The following PTPRN2 variants were observed in gnomAD, a reference collection of about 807,000 sequenced individuals.
PTPRN2 encodes the protein receptor-type tyrosine-protein phosphatase N2.
Under a neutral mutation model 118.8 loss-of-function variants are expected in PTPRN2, and 74 were observed. The ratio of observed to expected loss-of-function variants is 0.62; its 90% CI spans 0.52 to 0.76. PTPRN2 has a LOEUF of 0.76. Ranked by LOEUF, PTPRN2 falls within the 30% of genes least tolerant of loss-of-function variation. The pLI, the probability that PTPRN2 is intolerant of heterozygous loss-of-function variation, is 0.00. For synonymous variants in PTPRN2, 641 were observed against 608.0 expected, an observed-to-expected ratio of 1.05 and a Z score of -0.80; for missense variants, 1,481 against 1,394.4, an observed-to-expected ratio of 1.06 and a Z score of -0.99.
chr7:158,125,407 G>T (rs1187840426), intron 9 of PTPRN2, among the ~76,000 whole-genome samples: 2 of 151,438 alleles, frequency 1.3e-5, no homozygotes, highest in South Asian at 2.1e-4. Context: ...TCCCACGGCC[G>T]CTCCCAGCAG....
intron 9 of PTPRN2, among the ~76,000 whole-genome samples, chr7:158,130,650 A>G (rs1483811079): frequency 1.3e-5 from 2 of 149,746 alleles, no homozygotes; most frequent in Non-Finnish European, 3.0e-5. Flanking sequence ...ACCAATACAC[A>G]TCTACCTGAC....
chr7:157,778,620 G>A (rs1429648690), intron 12 of PTPRN2, among the ~76,000 whole-genome samples: 5 of 151,720 alleles, frequency 3.3e-5, no homozygotes, highest in South Asian at 4.2e-4. Context: ...TACAGGTATC[G>A]AATGCCTATG....
chr7:158,149,530 G>T (rs546586459), intron 6 of PTPRN2, among the ~76,000 whole-genome samples: 1 of 152,132 alleles, frequency 6.6e-6, no homozygotes, highest in Admixed American at 6.5e-5. Context: ...CCGGCTGGGC[G>T]CAGTGGCTCA....
chr7:157,874,891 A>G lies in PTPRN2; in HGVS notation c.1788+23782T>C. Among the ~76,000 whole-genome samples the G allele has an allele frequency of 6.6e-6, 1 of 152,092 alleles. No homozygotes were observed. Among genetic ancestry groups the G allele is most frequent in the East Asian group, 1.9e-4 (1 of 5,162 alleles). On this transcript the variant is annotated intron_variant, in intron 12 of 22. Transcript: ENST00000389418. The surrounding 1 kb of genome is among the most constrained non-coding windows in gnomAD (Gnocchi z 5.8). ...CGTGCACATACACACACGGAGACAC[A>G]CTCGTGCACATACACACACACTCAT...
intron 11 of PTPRN2, among the ~76,000 whole-genome samples, chr7:158,071,224 CCCG>C (rs1456974718): frequency 2.0e-5 from 1 of 49,104 alleles, no homozygotes; most frequent in Non-Finnish European, 3.9e-5. Flanking sequence ...GGTGGAGGTG[CCCG>C]TGGTGGTGGA....
intron 12 of PTPRN2, among the ~76,000 whole-genome samples, chr7:157,711,527 GA>G (rs1798619482): frequency 6.6e-6 from 1 of 152,212 alleles, no homozygotes; most frequent in Admixed American, 6.5e-5. Flanking sequence ...CACCACGTGG[GA>G]GGCTGTCCTG....
chr7:157,671,784 G>A lies in PTPRN2; in HGVS notation c.2001+10941C>T, dbSNP rs1208809712. 6.6e-6 allele frequency among the ~76,000 whole-genome samples: 1 copy of A among 152,066 alleles called. No individual in the cohort carries two copies. Among genetic ancestry groups the A allele is most frequent in the Admixed American group, 6.6e-5 (1 of 15,264 alleles). On this transcript the variant is annotated intron_variant, in intron 13 of 22. Transcript: ENST00000389418. The surrounding 1 kb of genome is among the most constrained non-coding windows in gnomAD (Gnocchi z 4.1). ...CTGAGTGACACCTGAACTGCACAAG[G>A]CCTGAAGGACGCCCTGAAGAGCTTC...
At position 158,555,655 on chromosome 7, in the gene PTPRN2, G is replaced by A. The variant is rs533638659; in HGVS notation, c.112+31903C>T. Among the ~76,000 whole-genome samples, 6 of 152,202 alleles carry A rather than the reference G, an allele frequency of 3.9e-5. No individual in the cohort carries two copies. In the South Asian group the frequency reaches 1.0e-3, roughly 26 times the overall value. ...TGGCAGGGTTAGGGGCACAAGCACCGCCCGTCAACCCTTCACAGAAGCTGG... is the reference window on the plus strand; with the variant it reads ...TGGCAGGGTTAGGGGCACAAGCACCACCCGTCAACCCTTCACAGAAGCTGG... On this transcript the variant is annotated intron_variant, in intron 1 of 22. Transcript: ENST00000389418. The surrounding 1 kb of genome is among the most constrained non-coding windows in gnomAD (Gnocchi z 4.7).
chr7:158,190,232 G>A (rs568389636), intron 5 of PTPRN2, among the ~76,000 whole-genome samples: 6 of 152,158 alleles, frequency 3.9e-5, no homozygotes, highest in Non-Finnish European at 5.9e-5. Context: ...GAAGCTGAGC[G>A]GCTCCCCCTG....
chr7:157,617,462 G>A lies in PTPRN2; in HGVS notation c.2344+3900C>T, dbSNP rs1309555251. 3.4e-5 allele frequency: 5 copies of A among 149,112 alleles called. No homozygotes were observed. The highest frequency in any genetic ancestry group is 7.4e-5 in the Non-Finnish European group (5 of 67,502). The allele number at this position is 149,112 out of a possible 1,614,324, so 9.2% of individuals were successfully genotyped here. On this transcript the variant is annotated intron_variant, in intron 15 of 22. Coordinates refer to ENST00000389418, the MANE Select transcript of PTPRN2 (RefSeq NM_002847.5). The surrounding 1 kb of genome is among the most constrained non-coding windows in gnomAD (Gnocchi z 7.5). The stretch of plus-strand genomic sequence containing the variant: ...CGCAGCTGCAGCGCAGAGCACGGGC[G>A]ACGCTGGCTCACGATGCCCCAGTGA...
intron 3 of PTPRN2, among the ~76,000 whole-genome samples, chr7:158,226,635 G>T (rs2150809819): frequency 6.6e-6 from 1 of 151,628 alleles, no homozygotes; most frequent in East Asian, 1.9e-4. Flanking sequence ...CAGAAACCAA[G>T]GTGCACGCTG....
chr7:157,625,818 T>A (rs918000758), intron 14 of PTPRN2, among the ~76,000 whole-genome samples: 2 of 152,154 alleles, frequency 1.3e-5, no homozygotes, highest in Non-Finnish European at 2.9e-5. Flanking sequence ...AGTGTGGTGG[T>A]GGGACGGCTT....
intron 9 of PTPRN2, among the ~76,000 whole-genome samples, chr7:158,119,018 A>G (rs1372133832): frequency 1.3e-5 from 2 of 152,212 alleles, no homozygotes; most frequent in Non-Finnish European, 2.9e-5. Flanking sequence ...TTCTTTTAAT[A>G]TAAGAGATAG....
In PTPRN2 at chr7:158,111,529, T is replaced by C. The variant is rs577594901; in HGVS notation, c.1557-614A>G. Among the ~76,000 whole-genome samples, 14 of 152,274 alleles carry C rather than the reference T, an allele frequency of 9.2e-5. No individual in the cohort carries two copies. In the South Asian group the frequency reaches 2.3e-3, roughly 25 times the overall value. On this transcript the variant is annotated intron_variant, in intron 9 of 22. Transcript: ENST00000389418. ...CTCATCCTGAAGGCCAGCATTCAGGTTGAAAGTCACAAGTTGCCTGTGAAA... is the reference window on the plus strand; with the variant it reads ...CTCATCCTGAAGGCCAGCATTCAGGCTGAAAGTCACAAGTTGCCTGTGAAA...
chr7:158,357,304 C>T (rs1422950266), intron 2 of PTPRN2, among the ~76,000 whole-genome samples: 3 of 152,246 alleles, frequency 2.0e-5, no homozygotes, highest in Non-Finnish European at 2.9e-5. Context: ...GGCCCAGCGG[C>T]ACCACCCAAA....
At chr7:158,201,489 G>T (rs1360888036) in intron 4 of PTPRN2, among the ~76,000 whole-genome samples, 1 of 152,126 alleles carries the variant, frequency 6.6e-6, no homozygotes, top group Admixed American at 6.5e-5. Flanking sequence ...GCAATACCTG[G>T]AAATTGCCCT....
In PTPRN2 at chr7:158,178,916, C is replaced by A. The variant is rs533508074; in HGVS notation, c.550-11625G>T. Among the ~76,000 whole-genome samples, 13 of 152,288 alleles carry A rather than the reference C, an allele frequency of 8.5e-5. No homozygotes were observed. The South Asian group carries it at 2.7e-3, about 32-fold the overall frequency. On this transcript the variant is annotated intron_variant, in intron 5 of 22. Coordinates refer to ENST00000389418, the MANE Select transcript of PTPRN2 (RefSeq NM_002847.5). ...CTTTAGCCACTCATCAGTCAATGGG[C>A]ACTTAGACTGGTTCCATATCTTTGC...
At chr7:157,731,556 G>A (rs1225866927) in intron 12 of PTPRN2, among the ~76,000 whole-genome samples, 1,381 of 85,712 alleles carry the variant, frequency 0.016, 1 homozygote, top group Non-Finnish European at 0.028. Flanking sequence ...ACCCTTTCCC[G>A]TCCCATGCGC....
chr7:158,359,598 CATA>C (rs1808682961), intron 2 of PTPRN2, among the ~76,000 whole-genome samples: 1 of 152,142 alleles, frequency 6.6e-6, no homozygotes, highest in African/African-American at 2.4e-5. Flanking sequence ...AAAGATTAAA[CATA>C]ATAATAATTC....
Sources: allele counts gnomAD v4.1 joint callset (sites outside exome capture counted in the v4.1 genomes callset), GRCh38; gene constraint gnomAD v4.1.1; non-coding constraint Gnocchi (gnomAD v3.1); transcripts MANE v1.5; gene names NCBI Gene and HGNC (gene_info 2026-07-23, HGNC 2026-07-21).